The following COX15 variants were observed in gnomAD, a reference collection of about 807,000 sequenced individuals.
The protein encoded by COX15 is heme A synthase COX15.
A neutral mutation model predicts 51.9 loss-of-function variants in COX15; 51 were observed. The ratio of observed to expected loss-of-function variants is 0.98; its 90% CI spans 0.78 to 1.24. The LOEUF (loss-of-function observed/expected upper bound fraction) is 1.24, where lower values mean the gene tolerates loss of function less well. COX15 is among the 50% of genes most tolerant of loss of function. The probability of loss-of-function intolerance (pLI) is 0.00; values close to 1 mark genes in which losing one functional copy is unlikely to be tolerated. For synonymous variants in COX15, 188 were observed against 190.5 expected, an observed-to-expected ratio of 0.99 and a Z score of 0.11; for missense variants, 420 against 501.1, an observed-to-expected ratio of 0.84 and a Z score of 1.55.
At chr10:99,723,583 T>C (rs2036849295) in intron 5 of COX15, among the ~76,000 whole-genome samples, 1 of 152,304 alleles carries the variant, frequency 6.6e-6, no homozygotes, top group African/African-American at 2.4e-5. Flanking sequence ...AACTAGTACT[T>C]TGCTTTAATC....
chr10:99,712,773 C>G lies in COX15; in HGVS notation c.*1814G>C. 1 of 354,486 alleles carries G rather than the reference C, an allele frequency of 2.8e-6. No homozygotes were observed. The highest frequency in any genetic ancestry group is 4.0e-6 in the Non-Finnish European group (1 of 252,902). The allele number at this position is 354,486 out of a possible 1,614,324, so 22.0% of individuals were successfully genotyped here. ...TCTCCATCAGCCTGACCCCAGTGAG[C>G]ATTTGATTTGGTCTACCCTACTCTT... On this transcript the variant is annotated 3_prime_UTR_variant, in exon 9 of 9. Transcript: ENST00000016171.
rs556850599 is a variant in COX15 at position 99,713,278 on chromosome 10, A to G, written c.*1309T>C. The G allele has an allele frequency of 5.6e-4, 854 of 1,532,298 alleles. 1 individual carries two copies. The highest frequency in any genetic ancestry group is 7.1e-4 in the Non-Finnish European group (804 of 1,125,092). The allele number at this position is 1,532,298 out of a possible 1,614,324, so 94.9% of individuals were successfully genotyped here. ...CCAGGTTTCTTCAGCCCAAACTTATACAACTTATTTAATTTAAATGAGTAT... is the reference window on the plus strand; with the variant it reads ...CCAGGTTTCTTCAGCCCAAACTTATGCAACTTATTTAATTTAAATGAGTAT... On this transcript the variant is annotated 3_prime_UTR_variant, in exon 9 of 9. Coordinates refer to ENST00000016171, the MANE Select transcript of COX15 (RefSeq NM_078470.6).
At chr10:99,699,595 C>T in the COX15 span, among the ~76,000 whole-genome samples, 1 of 152,118 alleles carries the variant, frequency 6.6e-6, no homozygotes, top group Non-Finnish European at 1.5e-5. Context: ...GATGGGGTCT[C>T]GCTCTGTAGC....
At chr10:99,706,904 G>A (rs891082605), downstream of COX15, among the ~76,000 whole-genome samples, 1 of 152,162 alleles carries the variant, frequency 6.6e-6, no homozygotes, top group African/African-American at 2.4e-5. Flanking sequence ...CTGGCTAACA[G>A]TGATCATGTT....
At chr10:99,720,853 G>A (rs1347513036) in intron 6 of COX15, 134 bp downstream of exon 6, 11 of 758,630 alleles carry the variant, frequency 1.4e-5, no homozygotes, top group Non-Finnish European at 2.1e-5. Context: ...GAAACAGGGT[G>A]AAGATGGGGG....
At chr10:99,697,747 C>T in the COX15 span, 7 of 163,278 alleles carry the variant, frequency 4.3e-5, no homozygotes, top group South Asian at 1.2e-3. Context: ...CACCTGTGGG[C>T]GCATCCTCAT....
chr10:99,729,497 A>ATCCTTTCTCCT, intron 2 of COX15, 56 bp downstream of exon 2: 1 of 1,496,244 alleles, frequency 6.7e-7, no homozygotes, highest in African/African-American at 1.4e-5. Context: ...TCCTCAGTCA[A>ATCCTTTCTCCT]CCTGTGCTTC....
At chr10:99,706,734 T>C (rs1335987299), downstream of COX15, among the ~76,000 whole-genome samples, 1 of 152,226 alleles carries the variant, frequency 6.6e-6, no homozygotes, top group Non-Finnish European at 1.5e-5. Flanking sequence ...TTTTATTATC[T>C]GTGCTCCGTG....
At chr10:99,723,855 A>C in intron 5 of COX15, 101 bp downstream of exon 5, 3 of 1,371,884 alleles carry the variant, frequency 2.2e-6, no homozygotes, top group Non-Finnish European at 3.1e-6. Flanking sequence ...TGTTGGCAAA[A>C]TATTCAACTC....
chr10:99,707,492 G>A (rs2036275767), downstream of COX15, among the ~76,000 whole-genome samples: 1 of 152,130 alleles, frequency 6.6e-6, no homozygotes, highest in African/African-American at 2.4e-5. Context: ...CATACCCTTT[G>A]GTTTTTAAAG....
chr10:99,717,063 T>C (rs1211707770), intron 7 of COX15, among the ~76,000 whole-genome samples: 1 of 152,178 alleles, frequency 6.6e-6, no homozygotes, highest in Non-Finnish European at 1.5e-5. Context: ...CAATGACAAT[T>C]TCAACCAGGC....
chr10:99,716,804 A>G (rs1003338728), intron 7 of COX15, among the ~76,000 whole-genome samples: 2 of 151,654 alleles, frequency 1.3e-5, no homozygotes, highest in African/African-American at 4.8e-5. Flanking sequence ...CTCTAATCCT[A>G]TATTCTTAAA....
chr10:99,700,738 C>T, the COX15 span: 1 of 563,912 alleles, frequency 1.8e-6, no homozygotes, highest in South Asian at 2.2e-5. Flanking sequence ...ACCTCAGCCC[C>T]TCTGAAGCCT....
chr10:99,723,929 A>G, intron 5 of COX15, 27 bp downstream of exon 5: 1 of 1,612,688 alleles, frequency 6.2e-7, no homozygotes, highest in Non-Finnish European at 8.5e-7. Flanking sequence ...GGGGTCTTGA[A>G]CACAGATATT....
the COX15 span, among the ~76,000 whole-genome samples, chr10:99,694,874 A>C: frequency 7.9e-5 from 12 of 152,194 alleles, no homozygotes; most frequent in Non-Finnish European, 1.8e-4. Flanking sequence ...TTGGAGTGAA[A>C]TTGCAGGGCA....
At chr10:99,709,725 A>C, downstream of COX15, 3 of 985,340 alleles carry the variant, frequency 3.0e-6, no homozygotes, top group Non-Finnish European at 3.6e-6. Flanking sequence ...GCTTCATTTT[A>C]AGCCTGCTCT....
chr10:99,702,287 TA>T, the COX15 span, among the ~76,000 whole-genome samples: 2 of 151,690 alleles, frequency 1.3e-5, no homozygotes, highest in Non-Finnish European at 2.9e-5. Flanking sequence ...TAGGGACTCT[TA>T]AAAAAAAGAA....
At chr10:99,718,193 A>G (rs2133583405) in intron 7 of COX15, among the ~76,000 whole-genome samples, 153 bp downstream of exon 7, 1 of 151,592 alleles carries the variant, frequency 6.6e-6, no homozygotes, top group African/African-American at 2.4e-5. Flanking sequence ...AAGACATTAG[A>G]TTAGAGAAAT....
Position 99,732,062 on chromosome 10 carries a change from G to T in COX15, c.-13C>A. The T allele has an allele frequency of 6.2e-7, 1 of 1,610,662 alleles. No homozygotes were observed. Among genetic ancestry groups the T allele is most frequent in the South Asian group, 1.1e-5 (1 of 90,384 alleles). On this transcript the variant is annotated 5_prime_UTR_variant, in exon 1 of 9. Coordinates refer to ENST00000016171, the MANE Select transcript of COX15 (RefSeq NM_078470.6). ...GCAATCGCTGCATACTGATGACAGG[G>T]AACAGCCACCTCTTCCACAACCCAG...
Sources: allele counts gnomAD v4.1 joint callset (sites outside exome capture counted in the v4.1 genomes callset), GRCh38; gene constraint gnomAD v4.1.1; transcripts MANE v1.5; gene names NCBI Gene and HGNC (gene_info 2026-07-23, HGNC 2026-07-21).